The following PON1 variants were observed in gnomAD, a reference collection of about 807,000 sequenced individuals.
The protein encoded by PON1 is paraoxonase 1.
Under a neutral mutation model 39.2 loss-of-function variants are expected in PON1, and 37 were observed. The ratio of observed to expected loss-of-function variants is 0.94; its 90% confidence interval spans 0.73 to 1.24. PON1 has a LOEUF of 1.24. Ranked by LOEUF, PON1 falls within the 50% of genes most tolerant of loss-of-function variation. The pLI, the probability that PON1 is intolerant of heterozygous loss-of-function variation, is 0.00. For synonymous variants in PON1, 148 were observed against 152.2 expected, an observed-to-expected ratio of 0.97 and a Z score of 0.21; for missense variants, 397 against 413.5, an observed-to-expected ratio of 0.96 and a Z score of 0.35.
At chr7:95,309,075 C>T (rs370337441) in intron 5 of PON1, among the ~76,000 whole-genome samples, 102 of 152,240 alleles carry the variant, frequency 6.7e-4, no homozygotes, top group African/African-American at 2.3e-3. Context: ...TCAGCTCTGA[C>T]GCAGCTCTGA....
intron 7 of PON1, among the ~76,000 whole-genome samples, chr7:95,303,814 G>A (rs1807483676): frequency 6.6e-6 from 1 of 152,056 alleles, no homozygotes; most frequent in African/African-American, 2.4e-5. Context: ...CGCATTCCTT[G>A]GTCAAGAAAA....
At chr7:95,315,778 A>C (rs1356469388) in intron 3 of PON1, among the ~76,000 whole-genome samples, 1 of 152,194 alleles carries the variant, frequency 6.6e-6, no homozygotes, top group East Asian at 1.9e-4. Flanking sequence ...CAAAAATGGA[A>C]GAGCAGACCA....
chr7:95,320,498 C>T (rs191689030), intron 1 of PON1, among the ~76,000 whole-genome samples: 3 of 152,300 alleles, frequency 2.0e-5, no homozygotes, highest in East Asian at 3.9e-4. Context: ...CGTATATGCC[C>T]GCGTTTAATC....
intron 4 of PON1, among the ~76,000 whole-genome samples, chr7:95,313,167 G>A (rs3917514): frequency 0.037 from 5,599 of 152,244 alleles, 264 homozygotes; most frequent in African/African-American, 0.11. Flanking sequence ...GGAGGGTGTT[G>A]GAAATCAAAT....
In PON1 at chr7:95,297,924, T is replaced by TATC. The variant is rs1268279691; in HGVS notation, c.*1017_*1019dup. On this transcript the variant is annotated 3_prime_UTR_variant, in exon 9 of 9. Coordinates refer to ENST00000222381, the MANE Select transcript of PON1 (RefSeq NM_000446.7). ...TAAATGAAAATGTGTAACCTTTATA[T>TATC]ATCAGTTTCTATAACAAAATGATAA... 1 of 152,246 alleles carries TATC rather than the reference T, an allele frequency of 6.6e-6. No homozygotes were observed. The highest frequency in any genetic ancestry group is 1.5e-5 in the Non-Finnish European group (1 of 68,046). The allele number at this position is 152,246 out of a possible 1,614,324, so 9.4% of individuals were successfully genotyped here.
At chr7:95,314,183 A>AC (rs1221668408) in intron 4 of PON1, among the ~76,000 whole-genome samples, 1 of 151,672 alleles carries the variant, frequency 6.6e-6, no homozygotes, top group Non-Finnish European at 1.5e-5. Context: ...ACATGGTGAA[A>AC]CCCCCGTCTC....
chr7:95,317,264 C>G (rs1280655101), intron 2 of PON1, among the ~76,000 whole-genome samples: 1 of 151,956 alleles, frequency 6.6e-6, no homozygotes, highest in Non-Finnish European at 1.5e-5. Flanking sequence ...TTTAGGTGAT[C>G]AAGAATATGA....
intron 7 of PON1, among the ~76,000 whole-genome samples, chr7:95,305,460 G>T (rs991884733): frequency 6.6e-6 from 1 of 152,162 alleles, no homozygotes; most frequent in Non-Finnish European, 1.5e-5. Flanking sequence ...AATGTGAATT[G>T]TACCAGAAGC....
At chr7:95,311,701 T>C in intron 4 of PON1, 124 bp from the exon 5 acceptor site, 4 of 1,048,928 alleles carry the variant, frequency 3.8e-6, no homozygotes, top group South Asian at 1.4e-5. Flanking sequence ...TGGAATATTT[T>C]CATCTCTTTG....
chr7:95,304,268 A>G (rs1807493560), intron 7 of PON1, among the ~76,000 whole-genome samples: 1 of 147,806 alleles, frequency 6.8e-6, no homozygotes, highest in Non-Finnish European at 1.5e-5. Context: ...GGCTTATGTC[A>G]TTTAGCATCA....
At chr7:95,317,054 A>G (rs1037342419) in intron 2 of PON1, among the ~76,000 whole-genome samples, 1 of 152,198 alleles carries the variant, frequency 6.6e-6, no homozygotes, top group Non-Finnish European at 1.5e-5. Flanking sequence ...TTCCTCAAAG[A>G]CTGAATCCTC....
chr7:95,298,957 T>A lies in PON1; in HGVS notation c.1055A>T (p.Tyr352Phe), dbSNP rs2116292153. ...CAAATCGGTCTGTTAGAGCTCACAG[T>A]AAAGAGCTTTGTGAAACACTGTGCC... ...LIGTVFHKAL[Y>F]CEL The change falls in exon 9 of 9, where the codon TAC becomes TTC. Residue 352 changes from tyrosine (Y) to phenylalanine (F), a missense_variant. Tyr to Phe is a conservative substitution (Grantham distance 22). Transcript: ENST00000222381. The A allele has an allele frequency of 6.2e-7, 1 of 1,614,158 alleles. No individual in the cohort carries two copies. Among genetic ancestry groups the A allele is most frequent in the Middle Eastern group, 1.6e-4 (1 of 6,062 alleles).
chr7:95,318,793 A>G (rs1219359051), intron 1 of PON1, among the ~76,000 whole-genome samples: 2 of 152,162 alleles, frequency 1.3e-5, no homozygotes, highest in South Asian at 2.1e-4. Flanking sequence ...CATCTGCCCA[A>G]TCTGACTCCG....
In PON1 at chr7:95,299,014, A is replaced by T; in HGVS notation, c.998T>A (p.Val333Asp). ...ENGTVLQGST[V>D]ASVYKGKLLI... ...CAGTTTCCCTTTGTACACAGAGGCA[A>T]CTGTACTGCCTTGCAACACTGTGCC... is the stretch of plus-strand genomic sequence containing the variant. Residue 333 changes from valine (V) to aspartate (D), a missense_variant, in exon 9 of 9, where the codon GTT becomes GAT. Val to Asp is a radical substitution (Grantham distance 152). Coordinates refer to ENST00000222381, the MANE Select transcript of PON1 (RefSeq NM_000446.7). 1 of 1,614,180 alleles carries T rather than the reference A, an allele frequency of 6.2e-7. No individual in the cohort carries two copies. Among genetic ancestry groups the T allele is most frequent in the Non-Finnish European group, 8.5e-7 (1 of 1,179,996 alleles).
At chr7:95,319,256 ATGACT>A (rs1807844057) in intron 1 of PON1, among the ~76,000 whole-genome samples, 1 of 150,990 alleles carries the variant, frequency 6.6e-6, no homozygotes, top group Non-Finnish European at 1.5e-5. Context: ...TGTCCTCCTG[ATGACT>A]TGAACTCACA....
Position 95,298,513 on chromosome 7 carries a change from C to A in PON1, c.*431G>T. On this transcript the variant is annotated 3_prime_UTR_variant, in exon 9 of 9. Transcript: ENST00000222381. Reference sequence around the variant, plus strand: ...GTTTTCTGGCCTGTGAACTGGAGTCCCTGGGTGAGTACTGGAGTTCTAAAG... The same window carrying A: ...GTTTTCTGGCCTGTGAACTGGAGTCACTGGGTGAGTACTGGAGTTCTAAAG... The A allele has an allele frequency of 3.6e-6, 1 of 279,712 alleles. No homozygotes were observed. The highest frequency in any genetic ancestry group is 7.0e-6 in the Non-Finnish European group (1 of 143,214). The allele number at this position is 279,712 out of a possible 1,614,324, so 17.3% of individuals were successfully genotyped here. A position where few individuals can be genotyped will look rare whatever the true frequency, so the allele number is the denominator to read the frequency against.
At chr7:95,302,409 A>C in intron 7 of PON1, 76 bp from the exon 8 acceptor site, 2 of 1,380,182 alleles carry the variant, frequency 1.4e-6, no homozygotes, top group South Asian at 2.4e-5. Context: ...TATATCAGAG[A>C]AAAGTTGCCT....
chr7:95,311,466 TG>T lies in PON1; in HGVS notation c.481del (p.His161IlefsTer7). On this transcript the variant is annotated frameshift_variant, in exon 5 of 9. Coordinates refer to ENST00000222381, the MANE Select transcript of PON1 (RefSeq NM_000446.7). LOFTEE classifies it high-confidence loss of function. ...KSLLHLKTIRHKLLPNLNDIV... is the reference protein window; with the variant it reads ...KSLLHLKTIRXKLLPNLNDIV... ...ATCTCAGTACTTAGGCAGAAGTTTA[TG>T]TCTGATGGTTTTTAGATGCAAAAGC... The T allele has an allele frequency of 6.2e-7, 1 of 1,614,132 alleles. No individual in the cohort carries two copies. The highest frequency in any genetic ancestry group is 8.5e-7 in the Non-Finnish European group (1 of 1,179,958).
intron 2 of PON1, among the ~76,000 whole-genome samples, chr7:95,317,297 A>G (rs981176434): frequency 6.6e-6 from 1 of 152,166 alleles, no homozygotes; most frequent in Non-Finnish European, 1.5e-5. Context: ...AATTATAAAC[A>G]TCGGTTAAAT....
Sources: allele counts gnomAD v4.1 joint callset (sites outside exome capture counted in the v4.1 genomes callset), GRCh38; gene constraint gnomAD v4.1.1; transcripts MANE v1.5; gene names NCBI Gene and HGNC (gene_info 2026-07-23, HGNC 2026-07-21).